The following ELP4 variants were observed in gnomAD, a reference collection of about 807,000 sequenced individuals.
ELP4 encodes elongator acetyltransferase complex subunit 4.
A neutral mutation model predicts 48.9 loss-of-function variants in ELP4; 51 were observed. The observed-to-expected ratio is 1.04, with a 90% confidence interval of 0.83 to 1.32. The LOEUF (loss-of-function observed/expected upper bound fraction) is 1.32, where lower values mean the gene tolerates loss of function less well. ELP4 is among the 40% of genes most tolerant of loss of function. The pLI is 0.00. For synonymous variants in ELP4, 210 were observed against 189.2 expected, an observed-to-expected ratio of 1.11 and a Z score of -0.90; for missense variants, 519 against 514.6, an observed-to-expected ratio of 1.01 and a Z score of -0.08.
intron 1 of ELP4, among the ~76,000 whole-genome samples, chr11:31,513,225 A>C (rs1219942476): frequency 6.6e-6 from 1 of 152,180 alleles, no homozygotes; most frequent in African/African-American, 2.4e-5. Context: ...TTTTATTGCT[A>C]TGTAAAATTA....
chr11:31,718,389 T>G (rs1303926408), intron 9 of ELP4, among the ~76,000 whole-genome samples: 4 of 152,224 alleles, frequency 2.6e-5, no homozygotes, highest in East Asian at 1.9e-4. Context: ...AAAAGGGCTA[T>G]TCTGGTGATT....
chr11:31,705,887 C>G (rs1946620757), intron 9 of ELP4, among the ~76,000 whole-genome samples: 1 of 151,964 alleles, frequency 6.6e-6, no homozygotes, highest in Admixed American at 6.6e-5. Flanking sequence ...GGGTCTTGCT[C>G]TGTCACCCAG....
At chr11:31,663,176 A>T (rs1164121037) in intron 9 of ELP4, 2 of 152,002 alleles carry the variant, frequency 1.3e-5, no homozygotes, top group Non-Finnish European at 2.9e-5. Context: ...TTATAAATTT[A>T]ACCATTTATG....
chr11:31,570,702 G>T (rs954694036), intron 3 of ELP4, among the ~76,000 whole-genome samples: 2 of 151,010 alleles, frequency 1.3e-5, no homozygotes, highest in African/African-American at 4.9e-5. Context: ...TCGAACTCCT[G>T]ACCTCAAGCA....
chr11:31,682,045 G>T, intron 9 of ELP4: 1 of 1,292,288 alleles, frequency 7.7e-7, no homozygotes, highest in Non-Finnish European at 1.0e-6. Context: ...CCGGCCTAGG[G>T]CTTTGTATTT....
intron 4 of ELP4, among the ~76,000 whole-genome samples, chr11:31,601,552 A>G (rs1453775628): frequency 6.6e-6 from 1 of 152,154 alleles, no homozygotes; most frequent in Non-Finnish European, 1.5e-5. Context: ...GATTCATTCC[A>G]AATCTGAGAT....
intron 3 of ELP4, among the ~76,000 whole-genome samples, chr11:31,553,831 C>G (rs1367843855): frequency 6.6e-6 from 1 of 151,822 alleles, no homozygotes; most frequent in African/African-American, 2.4e-5. Context: ...AAGCAGGGGC[C>G]CCCAACCCCC....
intron 9 of ELP4, among the ~76,000 whole-genome samples, chr11:31,682,689 C>T (rs1946078587): frequency 6.6e-6 from 1 of 152,088 alleles, no homozygotes; most frequent in African/African-American, 2.4e-5. Flanking sequence ...ATAAAGAGCT[C>T]ATAGTCTAGT....
chr11:31,580,912 A>T (rs1957379793), intron 3 of ELP4: 1 of 152,096 alleles, frequency 6.6e-6, no homozygotes, highest in Non-Finnish European at 1.5e-5. Context: ...CTTTCAGTAT[A>T]TTTAATTCTT....
At chr11:31,710,624 GAAA>G (rs757991878) in intron 9 of ELP4, among the ~76,000 whole-genome samples, 2 of 110,210 alleles carry the variant, frequency 1.8e-5, no homozygotes, top group Non-Finnish European at 1.9e-5. Context: ...GACCCCATCT[GAAA>G]AAAAAAAAAA....
chr11:31,572,227 C>G (rs959611363), intron 3 of ELP4, among the ~76,000 whole-genome samples: 1 of 152,214 alleles, frequency 6.6e-6, no homozygotes, highest in East Asian at 1.9e-4. Flanking sequence ...TCACTTTGCA[C>G]TGTTATGGAG....
intron 3 of ELP4, among the ~76,000 whole-genome samples, chr11:31,541,275 C>T (rs1231720401): frequency 6.6e-6 from 1 of 152,100 alleles, no homozygotes; most frequent in Admixed American, 6.5e-5. Flanking sequence ...GTTATGAAAT[C>T]CAAAGCAGAA....
chr11:31,732,267 G>A (rs1947207490), intron 9 of ELP4, among the ~76,000 whole-genome samples: 2 of 152,168 alleles, frequency 1.3e-5, no homozygotes, highest in African/African-American at 2.4e-5. Context: ...AGTATAACAA[G>A]ATCTACTTTG....
chr11:31,529,274 C>T (rs74954394), intron 2 of ELP4, among the ~76,000 whole-genome samples: 2,248 of 152,180 alleles, frequency 0.015, 24 homozygotes, highest in East Asian at 0.057. Flanking sequence ...CACATACCCA[C>T]AGTGAGAAAA....
At chr11:31,685,171 T>TG (rs534281341) in intron 9 of ELP4, among the ~76,000 whole-genome samples, 1,778 of 152,106 alleles carry the variant, frequency 0.012, 23 homozygotes, top group Non-Finnish European at 0.016. Flanking sequence ...GCCAACATGG[T>TG]GAAACCCTGT....
chr11:31,753,747 G>A (rs10767904), intron 9 of ELP4, among the ~76,000 whole-genome samples: 45,694 of 151,962 alleles, frequency 0.3, 7,486 homozygotes, highest in African/African-American at 0.44. Context: ...AATGATACAT[G>A]CATTATGATT....
intron 3 of ELP4, among the ~76,000 whole-genome samples, chr11:31,543,893 T>A (rs1956639609): frequency 6.6e-6 from 1 of 151,644 alleles, no homozygotes; most frequent in South Asian, 2.1e-4. Context: ...GAAAACAAAA[T>A]AAAGACTTTC....
rs370244729 is a variant in ELP4, at chr11:31,756,901, C to G, written c.1144-26492C>G. ...AGAAAGCTGTCCACTGCGGCATAAA[C>G]GATGGCTGATAACAATGGTATTGAG... On this transcript the variant is annotated intron_variant, in intron 9 of 9. Coordinates refer to ENST00000640961, the MANE Select transcript of ELP4 (RefSeq NM_019040.5). Among the ~76,000 whole-genome samples the G allele has an allele frequency of 3.3e-5, 5 of 152,164 alleles. No homozygotes were observed. In the East Asian group the frequency reaches 9.6e-4, roughly 29 times the overall value.
intron 6 of ELP4, among the ~76,000 whole-genome samples, chr11:31,631,257 A>G (rs1471645871): frequency 6.6e-6 from 1 of 152,170 alleles, no homozygotes; most frequent in African/African-American, 2.4e-5. Flanking sequence ...GTGGTATTTT[A>G]TAGCAATAGC....
Sources: gnomAD v4.1 joint callset for allele counts (sites outside exome capture counted in the v4.1 genomes callset) on GRCh38, gnomAD v4.1.1 for gene constraint, MANE v1.5 for transcripts, NCBI Gene and HGNC (gene_info 2026-07-23, HGNC 2026-07-21) for gene names.